The following EPHB2 variants were observed in gnomAD, a reference collection of about 807,000 sequenced individuals.
EPHB2 encodes the protein ephrin type-B receptor 2.
In EPHB2, 18 loss-of-function variants were observed where a neutral mutation model predicts 96.4. That is an observed-to-expected ratio of 0.19 (90% confidence interval 0.13 to 0.28). EPHB2 has a LOEUF of 0.28. Ranked by LOEUF, EPHB2 falls within the 10% of genes least tolerant of loss-of-function variation. The pLI is 1.00. For synonymous variants in EPHB2, 506 were observed against 534.1 expected, an observed-to-expected ratio of 0.95 and a Z score of 0.72; for missense variants, 989 against 1,355.4, an observed-to-expected ratio of 0.73 and a Z score of 4.25.
chr1:22,821,048 G>A (rs10917307), intron 3 of EPHB2, among the ~76,000 whole-genome samples: 30,475 of 152,174 alleles, frequency 0.2, 3,122 homozygotes, highest in South Asian at 0.32. Flanking sequence ...AGCTGGTACA[G>A]CTCCATAATC....
rs753541903 is a variant in EPHB2 at position 22,906,864 on chromosome 1, C to T, written c.2043C>T (p.Asn681=). The T allele has an allele frequency of 6.2e-6, 10 of 1,614,086 alleles. No individual in the cohort carries two copies. The highest frequency in any genetic ancestry group is 5.0e-5 in the Admixed American group (3 of 60,010). Residue 681 remains asparagine, a synonymous_variant, in exon 11 of 16, where the codon AAC becomes AAT. Transcript: ENST00000374630. This position sits in a 1 kb window ranked among gnomAD's most constrained non-coding sequence, Gnocchi z 4.8. The part of the protein sequence containing the change: ...ASIMGQFDHP[N]VIHLEGVVTK... ...TCATGGGCCAGTTCGACCATCCCAACGTCATCCACCTGGAGGGTGTCGTGA... is the reference window on the plus strand; with the variant it reads ...TCATGGGCCAGTTCGACCATCCCAATGTCATCCACCTGGAGGGTGTCGTGA...
intron 1 of EPHB2, among the ~76,000 whole-genome samples, chr1:22,723,356 G>A (rs1450800404): frequency 1.3e-5 from 2 of 152,222 alleles, no homozygotes; most frequent in Non-Finnish European, 2.9e-5. Flanking sequence ...GGCTCTGGCC[G>A]GTACATCCTC....
Position 22,733,131 on chromosome 1 carries a change from C to G in EPHB2, c.61+22088C>G, listed in dbSNP as rs1371343834. 6.6e-6 allele frequency among the ~76,000 whole-genome samples: 1 copy of G among 152,170 alleles called. No homozygotes were observed. Among genetic ancestry groups the G allele is most frequent in the Non-Finnish European group, 1.5e-5 (1 of 68,044 alleles). ...TGGCGTAGTCTTGGCTCACTGCAAC[C>G]TCTGCCTCCCCAGTTCAAGCGATTC... On this transcript the variant is annotated intron_variant, in intron 1 of 15. Coordinates refer to ENST00000374630, the MANE Select transcript of EPHB2 (RefSeq NM_017449.5). The surrounding 1 kb of genome is among the most constrained non-coding windows in gnomAD (Gnocchi z 4.6).
At chr1:22,762,989 A>G (rs1050583647) in intron 1 of EPHB2, among the ~76,000 whole-genome samples, 1 of 152,088 alleles carries the variant, frequency 6.6e-6, no homozygotes, top group Non-Finnish European at 1.5e-5. Flanking sequence ...GCAGACCCTC[A>G]GTGAGGCAGA....
At chr1:22,749,105 C>T (rs1384529808) in intron 1 of EPHB2, among the ~76,000 whole-genome samples, 1 of 151,648 alleles carries the variant, frequency 6.6e-6, no homozygotes, top group Admixed American at 6.6e-5. Context: ...ACTGCAACCT[C>T]CGCCTCCTGG....
intron 3 of EPHB2, among the ~76,000 whole-genome samples, chr1:22,823,095 T>C (rs1174204470): frequency 6.6e-6 from 1 of 152,210 alleles, no homozygotes; most frequent in Admixed American, 6.5e-5. Flanking sequence ...ACAGGAGACC[T>C]GGGTCCAAGT....
chr1:22,856,257 G>A (rs576574562), intron 3 of EPHB2, among the ~76,000 whole-genome samples: 1 of 152,130 alleles, frequency 6.6e-6, no homozygotes, highest in Non-Finnish European at 1.5e-5. Flanking sequence ...GTCCTGCCTC[G>A]GCCTGACTCA....
At chr1:22,758,805 A>G (rs1307886567) in intron 1 of EPHB2, among the ~76,000 whole-genome samples, 6 of 151,794 alleles carry the variant, frequency 4.0e-5, no homozygotes, top group Non-Finnish European at 8.8e-5. Flanking sequence ...ACCAGTTCAT[A>G]TCCTCATTCC....
rs958570993 is a variant in EPHB2 at position 22,910,389 on chromosome 1, A to G, written c.2510A>G (p.Asn837Ser). Residue 837 changes from asparagine (N) to serine (S), a missense_variant, in exon 14 of 16, where the codon AAT becomes AGT. Transcript: ENST00000374630. ...ACTCCTGCATTGTCCCAGGTAATCA[A>G]TGCCATTGAGCAGGACTATCGGCTG... Reference protein sequence around the residue: ...YWDMTNQDVINAIEQDYRLPP... With the variant: ...YWDMTNQDVISAIEQDYRLPP... 6 of 1,614,068 alleles carry G rather than the reference A, an allele frequency of 3.7e-6. No homozygotes were observed. The highest frequency in any genetic ancestry group is 5.1e-6 in the Non-Finnish European group (6 of 1,180,024).
chr1:22,832,951 G>A (rs1324848138), intron 3 of EPHB2, among the ~76,000 whole-genome samples: 1 of 152,140 alleles, frequency 6.6e-6, no homozygotes, highest in Non-Finnish European at 1.5e-5. Context: ...CATGTATACA[G>A]ACAGGGAGAA....
rs1214335679 is a variant in EPHB2 at position 22,858,494 on chromosome 1, G to A, written c.812-4543G>A. 6.6e-6 allele frequency among the ~76,000 whole-genome samples: 1 copy of A among 152,166 alleles called. No homozygotes were observed. Among genetic ancestry groups the A allele is most frequent in the African/African-American group, 2.4e-5 (1 of 41,434 alleles). On this transcript the variant is annotated intron_variant, in intron 3 of 15. Transcript: ENST00000374630. The surrounding 1 kb of genome is among the most constrained non-coding windows in gnomAD (Gnocchi z 7.7). ...GGGATCATCAGCCCCCTTTCCAGATGAGGAGACTGAGTTTCAAAGGGGAGG... is the reference window on the plus strand; with the variant it reads ...GGGATCATCAGCCCCCTTTCCAGATAAGGAGACTGAGTTTCAAAGGGGAGG...
rs1387293881 is a variant in EPHB2 at position 22,791,312 on chromosome 1, A to G, written c.811+6236A>G. Among the ~76,000 whole-genome samples the G allele has an allele frequency of 2.6e-5, 4 of 152,258 alleles. No homozygotes were observed. In the East Asian group the frequency reaches 5.8e-4, roughly 22 times the overall value. On this transcript the variant is annotated intron_variant, in intron 3 of 15. Transcript: ENST00000374630. Reference sequence around the variant, plus strand: ...AAAAAGGAAGAAATTAAAATCACCCATAATCCTATCATCCAGAAATAAGCA... The same window carrying G: ...AAAAAGGAAGAAATTAAAATCACCCGTAATCCTATCATCCAGAAATAAGCA...
In EPHB2 at chr1:22,906,049, C is replaced by A. The variant is rs770109876; in HGVS notation, c.1828C>A (p.Arg610=). ...CTACGAGGACCCCAACGAGGCAGTG[C>A]GGGAGTTTGCCAAGGAAATTGACAT... ...FTYEDPNEAV[R]EFAKEIDISC... is the part of the protein sequence containing the mutation. Residue 610 remains arginine (R), a synonymous_variant, in exon 10 of 16, where the codon CGG becomes AGG. Coordinates refer to ENST00000374630, the MANE Select transcript of EPHB2 (RefSeq NM_017449.5). This position sits in a 1 kb window ranked among gnomAD's most constrained non-coding sequence, Gnocchi z 4.8. The A allele has an allele frequency of 1.9e-6, 3 of 1,614,178 alleles. No individual in the cohort carries two copies. The highest frequency in any genetic ancestry group is 1.1e-5 in the South Asian group (1 of 91,080).
At chr1:22,898,407 C>G (rs953567200) in intron 9 of EPHB2, among the ~76,000 whole-genome samples, 4 of 152,120 alleles carry the variant, frequency 2.6e-5, no homozygotes, top group African/African-American at 9.7e-5. Context: ...GAAGAGGGAA[C>G]AGCCAATACA....
chr1:22,743,571 A>G (rs1643929812), intron 1 of EPHB2, among the ~76,000 whole-genome samples: 2 of 152,142 alleles, frequency 1.3e-5, no homozygotes, highest in African/African-American at 4.8e-5. Flanking sequence ...CCCAAGTTCA[A>G]GTGATTCTCG....
At chr1:22,713,841 C>T (rs924224663) in intron 1 of EPHB2, among the ~76,000 whole-genome samples, 19 of 152,314 alleles carry the variant, frequency 1.2e-4, no homozygotes, top group East Asian at 5.8e-4. Context: ...TGTGTGTATA[C>T]GGGGGGTTTC....
intron 15 of EPHB2, chr1:22,912,999 CCT>C (rs1640157562): frequency 2.8e-6 from 1 of 354,756 alleles, no homozygotes; most frequent in Non-Finnish European, 5.5e-6. Flanking sequence ...TCAAGACCAG[CCT>C]GACCAACATG....
chr1:22,791,471 CTTTTT>C (rs55650452), intron 3 of EPHB2, among the ~76,000 whole-genome samples: 2 of 92,888 alleles, frequency 2.2e-5, no homozygotes, highest in Non-Finnish European at 2.0e-5. Flanking sequence ...TTCTTTCTTT[CTTTTT>C]TTTTTTTTTT....
At chr1:22,890,268 A>C (rs991748116) in intron 6 of EPHB2, among the ~76,000 whole-genome samples, 2 of 152,138 alleles carry the variant, frequency 1.3e-5, no homozygotes, top group African/African-American at 4.8e-5. Flanking sequence ...CACCCACAGC[A>C]AGTGCTCTGG....
Sources: gnomAD v4.1 joint callset for allele counts (sites outside exome capture counted in the v4.1 genomes callset) on GRCh38, gnomAD v4.1.1 for gene constraint, Gnocchi (gnomAD v3.1) non-coding constraint, MANE v1.5 for transcripts, NCBI Gene and HGNC (gene_info 2026-07-23, HGNC 2026-07-21) for gene names.